Variants in VGLL3 observed in about 807,000 individuals in gnomAD.
VGLL3 encodes vestigial like family member 3.
A neutral mutation model predicts 29.2 loss-of-function variants in VGLL3; 18 were observed. That is an observed-to-expected ratio of 0.62 (90% CI 0.43 to 0.91). The LOEUF (loss-of-function observed/expected upper bound fraction) is 0.91. Among genes scored for constraint, VGLL3 ranks in the 40% least tolerant of loss-of-function variants. The pLI, the probability that VGLL3 is intolerant of heterozygous loss-of-function variation, is 0.00. For synonymous variants in VGLL3, 180 were observed against 151.8 expected (o/e 1.19, Z -1.36); for missense variants, 440 against 413.2 (o/e 1.06, Z -0.56).
Position 86,978,581 on chromosome 3 carries a change from G to T in VGLL3, c.348C>A (p.Leu116=), listed in dbSNP as rs765927955. ...FSRALGQAIT[L]HPESAISKSK... is the part of the protein sequence containing the mutation. The stretch of plus-strand genomic sequence containing the variant: ...TTTTTGAAATGGCAGATTCTGGATG[G>T]AGGGTGATGGCTTGGCCCAAAGCTC... Residue 116 remains leucine (L), a synonymous_variant, in exon 2 of 4, where the codon CTC becomes CTA. Transcript: ENST00000398399. 1.2e-6 allele frequency: 2 copies of T among 1,614,204 alleles called. No individual in the cohort carries two copies. Among genetic ancestry groups the T allele is most frequent in the Non-Finnish European group, 1.7e-6 (2 of 1,180,024 alleles).
In VGLL3 at chr3:86,946,152, G is replaced by A. The variant is rs1209134469; in HGVS notation, c.*872C>T. 1 of 152,106 alleles carries A rather than the reference G, an allele frequency of 6.6e-6. No homozygotes were observed. The highest frequency in any genetic ancestry group is 1.5e-5 in the Non-Finnish European group (1 of 68,010). The allele number at this position is 152,106 out of a possible 1,614,324, so 9.4% of individuals were successfully genotyped here. ...TTATCAAATTTGGATGGGCTAGAAA[G>A]AGAATTAGTCTCCTCTAGGCAAACT... On this transcript the variant is annotated 3_prime_UTR_variant, in exon 4 of 4. Coordinates refer to ENST00000398399, the MANE Select transcript of VGLL3 (RefSeq NM_016206.4).
chr3:86,978,713 CTCCTCCTCCTCCTCA>C lies in VGLL3; in HGVS notation c.201_215del (p.Asp67_Glu71del), dbSNP rs1407208814. On this transcript the variant is annotated inframe_deletion, in exon 2 of 4. Coordinates refer to ENST00000398399, the MANE Select transcript of VGLL3 (RefSeq NM_016206.4). ...TCTCGGCAGGCTGGTCTTTCTCCTC[CTCCTCCTCCTCCTCA>C]TCCTCCTCCTCTTGTTTGCTGGGAA... The C allele has an allele frequency of 1.2e-6, 2 of 1,613,968 alleles. No homozygotes were observed. The highest frequency in any genetic ancestry group is 1.7e-6 in the Non-Finnish European group (2 of 1,179,946).
intron 2 of VGLL3, among the ~76,000 whole-genome samples, chr3:86,972,034 C>T (rs977677463): frequency 3.3e-5 from 5 of 152,138 alleles, no homozygotes; most frequent in Non-Finnish European, 4.4e-5. Context: ...GTCAAAAGTA[C>T]GGAGAGTATA....
intron 2 of VGLL3, among the ~76,000 whole-genome samples, chr3:86,972,450 A>G (rs1349305639): frequency 6.6e-6 from 1 of 152,252 alleles, no homozygotes; most frequent in African/African-American, 2.4e-5. Flanking sequence ...GAAGAAGTTT[A>G]TACTTCAAAA....
chr3:86,977,735 G>A (rs1347701009), intron 2 of VGLL3, among the ~76,000 whole-genome samples: 2 of 152,156 alleles, frequency 1.3e-5, no homozygotes, highest in African/African-American at 2.4e-5. Flanking sequence ...ATCACACCTC[G>A]AGAACCATTT....
chr3:86,982,448 G>GC (rs1705346014), intron 1 of VGLL3, among the ~76,000 whole-genome samples: 1 of 145,280 alleles, frequency 6.9e-6, no homozygotes, highest in South Asian at 2.1e-4. Context: ...GTCCAGCTCT[G>GC]CTTTTTTTTT....
intron 2 of VGLL3, among the ~76,000 whole-genome samples, chr3:86,971,477 G>A (rs6551256): frequency 0.088 from 13,337 of 152,152 alleles, 1,554 homozygotes; most frequent in African/African-American, 0.26. Context: ...CTAGGAAATG[G>A]TGTTCTTCAA....
chr3:86,972,469 C>T (rs1048213305), intron 2 of VGLL3, among the ~76,000 whole-genome samples: 20 of 152,140 alleles, frequency 1.3e-4, no homozygotes, highest in African/African-American at 4.6e-4. Flanking sequence ...AATCACTATT[C>T]GGTGTCTTGC....
chr3:86,986,735 C>T (rs1056497586), intron 1 of VGLL3, among the ~76,000 whole-genome samples: 3 of 152,126 alleles, frequency 2.0e-5, no homozygotes, highest in Non-Finnish European at 2.9e-5. Context: ...ATAGATGAGA[C>T]ACTTAACTGC....
At chr3:86,988,409 T>C (rs191581452) in intron 1 of VGLL3, among the ~76,000 whole-genome samples, 165 of 151,768 alleles carry the variant, frequency 1.1e-3, no homozygotes, top group Non-Finnish European at 1.6e-3. Context: ...ATATGTATTC[T>C]CGGATGACTG....
At chr3:86,978,402 G>C in intron 2 of VGLL3, 124 bp downstream of exon 2, 1 of 1,125,540 alleles carries the variant, frequency 8.9e-7, no homozygotes, top group East Asian at 2.4e-5. Flanking sequence ...ATTCCTCACT[G>C]TCCTTAAATA....
chr3:86,982,955 G>C (rs763153447), intron 1 of VGLL3, among the ~76,000 whole-genome samples: 1 of 152,138 alleles, frequency 6.6e-6, no homozygotes, highest in Non-Finnish European at 1.5e-5. Flanking sequence ...TGGAGAGTTC[G>C]CTTGGGCAGT....
chr3:86,982,825 C>T (rs999186028), intron 1 of VGLL3, among the ~76,000 whole-genome samples: 11 of 152,148 alleles, frequency 7.2e-5, no homozygotes, highest in African/African-American at 2.7e-4. Flanking sequence ...TGTCTCTTCA[C>T]CACTACATAG....
At chr3:86,947,205 A>G (rs1575857548) in intron 3 of VGLL3, 138 bp from the exon 4 acceptor site, 4 of 627,196 alleles carry the variant, frequency 6.4e-6, no homozygotes, top group Non-Finnish European at 1.2e-5. Context: ...TGAAGACATC[A>G]TGATCTCTAA....
rs776448779 is a variant in VGLL3 at position 86,969,139 on chromosome 3, AT to A, written c.404-17del. The stretch of plus-strand genomic sequence containing the variant: ...GCTGAGCTGTCTGAGAAGACAGAAA[AT>A]AAAAAACATTATTAACATAAGACTC... On this transcript the variant is annotated splice_polypyrimidine_tract_variant and intron_variant, in intron 2 of 3. Coordinates refer to ENST00000398399, the MANE Select transcript of VGLL3 (RefSeq NM_016206.4). 4 of 1,542,104 alleles carry A rather than the reference AT, an allele frequency of 2.6e-6. No homozygotes were observed. In the East Asian group the frequency reaches 9.1e-5, roughly 35 times the overall value.
chr3:86,944,166 C>A lies in VGLL3; in HGVS notation c.*2858G>T, dbSNP rs561775856. On this transcript the variant is annotated 3_prime_UTR_variant, in exon 4 of 4. Transcript: ENST00000398399. ...TGGTCCTAGAAGACAATTATAGAGACATGCTCATTCTCTTTCTATGTATAT... is the reference window on the plus strand; with the variant it reads ...TGGTCCTAGAAGACAATTATAGAGAAATGCTCATTCTCTTTCTATGTATAT... 2.6e-5 allele frequency: 4 copies of A among 152,290 alleles called. No homozygotes were observed. The highest frequency in any genetic ancestry group is 9.6e-5 in the African/African-American group (4 of 41,574). The allele number at this position is 152,290 out of a possible 1,614,324, so 9.4% of individuals were successfully genotyped here.
In VGLL3 at chr3:86,990,680, G is replaced by A; in HGVS notation, c.64C>T (p.Pro22Ser). The A allele has an allele frequency of 2.1e-6, 3 of 1,424,620 alleles. No homozygotes were observed. The highest frequency in any genetic ancestry group is 2.8e-6 in the Non-Finnish European group (3 of 1,087,812). The allele number at this position is 1,424,620 out of a possible 1,614,324, so 88.2% of individuals were successfully genotyped here. A position where few individuals can be genotyped will look rare whatever the true frequency, so the allele number is the denominator to read the frequency against. Residue 22 changes from proline (P) to serine (S), a missense_variant, in exon 1 of 4, where the codon CCC becomes TCC. Physicochemically the swap from Pro to Ser is moderately conservative, Grantham distance 74. Coordinates refer to ENST00000398399, the MANE Select transcript of VGLL3 (RefSeq NM_016206.4). ...PYGASQYLPNPMAATTCPTAY... is the reference protein window; with the variant it reads ...PYGASQYLPNSMAATTCPTAY... Reference sequence around the variant, plus strand: ...GTGGGGCAGGTTGTCGCTGCCATGGGGTTGGGCAGATACTGGGACGCTCCA... The same window carrying A: ...GTGGGGCAGGTTGTCGCTGCCATGGAGTTGGGCAGATACTGGGACGCTCCA...
Position 86,945,501 on chromosome 3 carries a change from C to T in VGLL3, c.*1523G>A, listed in dbSNP as rs911805866. 2 of 152,112 alleles carry T rather than the reference C, an allele frequency of 1.3e-5. No individual in the cohort carries two copies. The highest frequency in any genetic ancestry group is 3.8e-4 in the East Asian group (2 of 5,200). The allele number at this position is 152,112 out of a possible 1,614,324, so 9.4% of individuals were successfully genotyped here. A position where few individuals can be genotyped will look rare whatever the true frequency, so the allele number is the denominator to read the frequency against. On this transcript the variant is annotated 3_prime_UTR_variant, in exon 4 of 4. Coordinates refer to ENST00000398399, the MANE Select transcript of VGLL3 (RefSeq NM_016206.4). Reference sequence around the variant, plus strand: ...ATACACTAACTTTTTTACATGACATCTCTGGAAGCAGTTAATGGAAGAAAT... The same window carrying T: ...ATACACTAACTTTTTTACATGACATTTCTGGAAGCAGTTAATGGAAGAAAT...
At chr3:86,950,603 C>T (rs1346658358) in intron 3 of VGLL3, among the ~76,000 whole-genome samples, 1 of 152,126 alleles carries the variant, frequency 6.6e-6, no homozygotes, top group Non-Finnish European at 1.5e-5. Flanking sequence ...TAGAAACACC[C>T]TGATTTAACA....
Sources: allele counts gnomAD v4.1 joint callset (sites outside exome capture counted in the v4.1 genomes callset), GRCh38; gene constraint gnomAD v4.1.1; transcripts MANE v1.5; gene names NCBI Gene and HGNC (gene_info 2026-07-23, HGNC 2026-07-21).